The following TMEM255B variants were observed in gnomAD, a reference collection of about 807,000 sequenced individuals.
The protein encoded by TMEM255B is transmembrane protein 255B.
Under a neutral mutation model 34.5 loss-of-function variants are expected in TMEM255B, and 35 were observed. The observed-to-expected ratio is 1.01, with a 90% CI of 0.77 to 1.34. TMEM255B has a LOEUF of 1.34. Among genes scored for constraint, TMEM255B ranks in the 40% most tolerant of loss-of-function variants. The probability of loss-of-function intolerance (pLI) is 0.00; values close to 1 mark genes in which losing one functional copy is unlikely to be tolerated. For missense variants in TMEM255B, 432 were observed against 433.2 expected (o/e 1.00, Z 0.02); for synonymous variants, 206 against 201.2 (o/e 1.02, Z -0.20).
At chr13:113,781,789 C>T (rs2050669372) in intron 3 of TMEM255B, among the ~76,000 whole-genome samples, 2 of 152,194 alleles carry the variant, frequency 1.3e-5, no homozygotes, top group African/African-American at 4.8e-5. Flanking sequence ...TGTATAAATT[C>T]TTTTATGACT....
chr13:113,801,929 C>T (rs2051073522), intron 7 of TMEM255B, 117 bp downstream of exon 7: 1 of 1,201,532 alleles, frequency 8.3e-7, no homozygotes, highest in Non-Finnish European at 1.1e-6. Flanking sequence ...CACTGAAGCC[C>T]ATGCGTCTGT....
At chr13:113,807,153 CT>C (rs1301341973) in intron 8 of TMEM255B, among the ~76,000 whole-genome samples, 1 of 152,206 alleles carries the variant, frequency 6.6e-6, no homozygotes, top group Non-Finnish European at 1.5e-5. Flanking sequence ...TGCATTCTGA[CT>C]TGGGACCTTG....
intron 4 of TMEM255B, among the ~76,000 whole-genome samples, chr13:113,795,504 A>G (rs2050907228): frequency 6.7e-6 from 1 of 148,530 alleles, no homozygotes; most frequent in South Asian, 2.1e-4. Context: ...ACACCACAAC[A>G]GAGCACACAG....
intron 3 of TMEM255B, among the ~76,000 whole-genome samples, chr13:113,787,457 A>G (rs890321703): frequency 6.6e-6 from 1 of 152,222 alleles, no homozygotes; most frequent in African/African-American, 2.4e-5. Context: ...GTTTGCTCAC[A>G]GAAACCGATG....
chr13:113,776,391 G>T (rs144249440), intron 3 of TMEM255B, among the ~76,000 whole-genome samples: 69 of 152,324 alleles, frequency 4.5e-4, no homozygotes, highest in African/African-American at 1.6e-3. Flanking sequence ...GGGCTGACTC[G>T]GCGGCTCTGG....
At chr13:113,801,360 G>A (rs2051056518) in intron 6 of TMEM255B, among the ~76,000 whole-genome samples, 1 of 152,222 alleles carries the variant, frequency 6.6e-6, no homozygotes, top group South Asian at 2.1e-4. Flanking sequence ...AGACAGAGAT[G>A]GCTCAGCCGG....
intron 1 of TMEM255B, among the ~76,000 whole-genome samples, chr13:113,759,633 G>A (rs2050262144): frequency 6.6e-6 from 1 of 152,038 alleles, no homozygotes; most frequent in South Asian, 2.1e-4. Flanking sequence ...GTTCCTCTTG[G>A]CCTCTCTCTC....
At chr13:113,780,376 A>T (rs945123476) in intron 3 of TMEM255B, among the ~76,000 whole-genome samples, 1 of 152,288 alleles carries the variant, frequency 6.6e-6, no homozygotes, top group Non-Finnish European at 1.5e-5. Flanking sequence ...CTATATTGCC[A>T]TAACTTAAGA....
Position 113,804,880 on chromosome 13 carries a change from G to T in TMEM255B, c.670-5G>T. The T allele has an allele frequency of 6.3e-7, 1 of 1,597,088 alleles. No homozygotes were observed. ...CGCCGACCACCCGTCTCCTCTCCAT[G>T]GCAGGTGCCTCTGTCCCAGCTGGCC... On this transcript the variant is annotated splice_polypyrimidine_tract_variant and splice_region_variant and intron_variant, in intron 7 of 8. Coordinates refer to ENST00000375353, the MANE Select transcript of TMEM255B (RefSeq NM_182614.4).
Position 113,814,915 on chromosome 13 carries a change from G to C in TMEM255B, c.*3012G>C, listed in dbSNP as rs923003700. ...GCCCCGGGGCAGGGGGTGCTGGGGG[G>C]TTTGGGGTGCTGTGGCCCCACCTGC... On this transcript the variant is annotated 3_prime_UTR_variant, in exon 9 of 9. Transcript: ENST00000375353. The C allele has an allele frequency of 2.7e-5, 4 of 150,140 alleles. No homozygotes were observed. The highest frequency in any genetic ancestry group is 4.0e-4 in the East Asian group (2 of 5,026). The allele number at this position is 150,140 out of a possible 1,614,324, so 9.3% of individuals were successfully genotyped here.
chr13:113,793,039 A>G (rs79189901), intron 3 of TMEM255B, among the ~76,000 whole-genome samples: 1 of 152,330 alleles, frequency 6.6e-6, no homozygotes, highest in South Asian at 2.1e-4. Context: ...AAGGACCACT[A>G]GGGGCAAGTC....
Position 113,812,174 on chromosome 13 carries a change from A to G in TMEM255B, c.*271A>G, listed in dbSNP as rs1427142267. The G allele has an allele frequency of 1.9e-6, 1 of 513,810 alleles. No individual in the cohort carries two copies. Among genetic ancestry groups the G allele is most frequent in the Non-Finnish European group, 3.4e-6 (1 of 294,388 alleles). 31.8% of individuals were successfully genotyped at this position (513,810 alleles called of 1,614,324 possible). On this transcript the variant is annotated 3_prime_UTR_variant, in exon 9 of 9. Coordinates refer to ENST00000375353, the MANE Select transcript of TMEM255B (RefSeq NM_182614.4). ...TTCCCACCCGGCCTCCTCCTCTGAG[A>G]GCAATTGTTCTGGTGTTTTCACATC...
At position 113,794,423 on chromosome 13, in the gene TMEM255B, G is replaced by A. The variant is rs75138153; in HGVS notation, c.253-725G>A. ...GTCACTGGGACCTCTTTCCCGAGCC[G>A]ACAACTCATCCATCGGGACGGAACC... On this transcript the variant is annotated intron_variant, in intron 3 of 8. Transcript: ENST00000375353. Among the ~76,000 whole-genome samples, 195 of 152,104 alleles carry A rather than the reference G, an allele frequency of 1.3e-3. 1 individual carries two copies. The highest frequency in any genetic ancestry group is 3.4e-3 in the Middle Eastern group (1 of 294).
intron 4 of TMEM255B, among the ~76,000 whole-genome samples, chr13:113,796,542 CCA>C (rs928007519): frequency 2.6e-5 from 4 of 151,770 alleles, no homozygotes; most frequent in African/African-American, 9.7e-5. Context: ...AGAGCACACA[CCA>C]CACACACATA....
At chr13:113,791,838 C>G (rs1015695431) in intron 3 of TMEM255B, among the ~76,000 whole-genome samples, 1 of 152,232 alleles carries the variant, frequency 6.6e-6, no homozygotes, top group Admixed American at 6.5e-5. Flanking sequence ...GCAGTGGTGA[C>G]GGGACCACGG....
chr13:113,776,464 C>T (rs567141981), intron 3 of TMEM255B, among the ~76,000 whole-genome samples: 4 of 152,342 alleles, frequency 2.6e-5, no homozygotes, highest in East Asian at 1.9e-4. Flanking sequence ...CCGACAGCTA[C>T]GTCCAGCCCA....
intron 3 of TMEM255B, among the ~76,000 whole-genome samples, chr13:113,786,388 C>T (rs565160120): frequency 1.3e-4 from 20 of 152,246 alleles, no homozygotes; most frequent in Admixed American, 3.3e-4. Context: ...TCACCGTCAC[C>T]ATCGTCACCA....
chr13:113,811,215 G>T (rs564623173), intron 8 of TMEM255B, among the ~76,000 whole-genome samples: 3 of 117,648 alleles, frequency 2.5e-5, no homozygotes, highest in African/African-American at 1.0e-4. Context: ...CTGGATCTGT[G>T]GGGGGGGCCG....
Position 113,766,267 on chromosome 13 carries a change from C to A in TMEM255B, c.189+10C>A, listed in dbSNP as rs376608854. On this transcript the variant is annotated intron_variant, in intron 2 of 8. Coordinates refer to ENST00000375353, the MANE Select transcript of TMEM255B (RefSeq NM_182614.4). The stretch of plus-strand genomic sequence containing the variant: ...CTACCCAGGGATCATTGTGAGTGCG[C>A]CGGGCGGGCGGCCTGGGCCGGGGAG... The A allele has an allele frequency of 2.2e-5, 35 of 1,613,572 alleles. No individual in the cohort carries two copies. Among genetic ancestry groups the A allele is most frequent in the Non-Finnish European group, 2.6e-5 (31 of 1,179,780 alleles).
Sources: gnomAD v4.1 joint callset for allele counts (sites outside exome capture counted in the v4.1 genomes callset) on GRCh38, gnomAD v4.1.1 for gene constraint, MANE v1.5 for transcripts, NCBI Gene and HGNC (gene_info 2026-07-23, HGNC 2026-07-21) for gene names.